Variants in ZNF385D observed in about 807,000 individuals in gnomAD.
The protein encoded by ZNF385D is zinc finger protein 659.
ZNF385D carries 15 observed loss-of-function variants against 35.8 expected under a neutral mutation model. The observed-to-expected ratio is 0.42, with a 90% CI of 0.28 to 0.64. The LOEUF is 0.64. ZNF385D is among the 30% of genes least tolerant of loss of function. The pLI, the probability that ZNF385D is intolerant of heterozygous loss-of-function variation, is 0.23. For missense variants in ZNF385D, 474 were observed against 494.6 expected, an observed-to-expected ratio of 0.96 and a Z score of 0.39; for synonymous variants, 212 against 186.8, an observed-to-expected ratio of 1.13 and a Z score of -1.10.
chr3:21,707,050 A>G (rs371211770), intron 1 of ZNF385D, among the ~76,000 whole-genome samples: 6 of 152,260 alleles, frequency 3.9e-5, no homozygotes, highest in African/African-American at 1.4e-4. Context: ...CTTTAATAAA[A>G]CCCAGATGTG....
chr3:22,320,058 C>CTT (rs79055027), intron 2 of ZNF385D, among the ~76,000 whole-genome samples: 5 of 143,436 alleles, frequency 3.5e-5, no homozygotes, highest in East Asian at 2.0e-4. Context: ...CACATACAAA[C>CTT]TTTTTTTTTT....
At chr3:21,540,559 A>G (rs890391192) in intron 3 of ZNF385D, among the ~76,000 whole-genome samples, 2 of 152,176 alleles carry the variant, frequency 1.3e-5, no homozygotes, top group Admixed American at 6.5e-5. Context: ...TGGGAAATGG[A>G]TAAAACCTGT....
intron 2 of ZNF385D, among the ~76,000 whole-genome samples, chr3:22,326,321 C>A (rs1694676282): frequency 6.6e-6 from 1 of 152,116 alleles, no homozygotes; most frequent in Non-Finnish European, 1.5e-5. Context: ...AATTCCTTCC[C>A]CAAGCCTGAA....
At chr3:22,143,047 C>A (rs1012648374) in intron 3 of ZNF385D, among the ~76,000 whole-genome samples, 5 of 145,908 alleles carry the variant, frequency 3.4e-5, no homozygotes, top group Non-Finnish European at 7.5e-5. Context: ...TTGATATATT[C>A]TATTAAATCG....
At chr3:21,964,854 T>C (rs1170099776) in intron 3 of ZNF385D, among the ~76,000 whole-genome samples, 2 of 152,034 alleles carry the variant, frequency 1.3e-5, no homozygotes, top group Non-Finnish European at 2.9e-5. Context: ...ATAATTTCTA[T>C]TCTTATTATA....
intron 4 of ZNF385D, among the ~76,000 whole-genome samples, chr3:21,444,734 C>A (rs932909258): frequency 6.6e-6 from 1 of 152,092 alleles, no homozygotes; most frequent in African/African-American, 2.4e-5. Flanking sequence ...TAGGGACCGG[C>A]CATTTTCTAC....
In ZNF385D at chr3:21,421,199, A is replaced by G. The variant is rs1700716445; in HGVS notation, c.*15T>C. ...TTTGAAAAATTATTGCAGTACAATT[A>G]CTCCTATTTGGAATTTAGTAAGGAG... On this transcript the variant is annotated 3_prime_UTR_variant, in exon 8 of 8. Coordinates refer to ENST00000281523, the MANE Select transcript of ZNF385D (RefSeq NM_024697.3). 6.2e-7 allele frequency: 1 copy of G among 1,601,524 alleles called. No homozygotes were observed. Among genetic ancestry groups the G allele is most frequent in the Non-Finnish European group, 8.6e-7 (1 of 1,169,120 alleles).
intron 3 of ZNF385D, among the ~76,000 whole-genome samples, chr3:21,799,981 G>A (rs182990883): frequency 2.2e-4 from 33 of 152,228 alleles, no homozygotes; most frequent in Admixed American, 1.9e-3. Flanking sequence ...ATACCCAGTT[G>A]TCTCAGAAAT....
At position 22,214,017 on chromosome 3, in the gene ZNF385D, G is replaced by T. The variant is rs141963951; in HGVS notation, c.107-44982C>A. Among the ~76,000 whole-genome samples the T allele has an allele frequency of 2.2e-3, 329 of 152,090 alleles. 3 individuals are homozygous for T. The highest frequency in any genetic ancestry group is 0.014 in the East Asian group (70 of 5,160). ...TTGCCATAGGTTGGACAGTTCTGTG[G>T]GTCACAGTAACCCTGTCTTAGACAA... On this transcript the variant is annotated intron_variant, in intron 2 of 5. Transcript: ENST00000494108.
At chr3:21,659,890 G>A (rs776346738) in intron 2 of ZNF385D, among the ~76,000 whole-genome samples, 2 of 151,988 alleles carry the variant, frequency 1.3e-5, no homozygotes, top group South Asian at 2.1e-4. Flanking sequence ...CCCCTCCCCA[G>A]AACTTTTGAT....
chr3:22,365,291 GT>G (rs1383655549), intron 2 of ZNF385D, among the ~76,000 whole-genome samples: 1 of 151,844 alleles, frequency 6.6e-6, no homozygotes, highest in Admixed American at 6.6e-5. Flanking sequence ...GTATGAATAA[GT>G]AAACATTGTC....
At chr3:21,542,033 T>C (rs2062189390) in intron 3 of ZNF385D, among the ~76,000 whole-genome samples, 1 of 152,124 alleles carries the variant, frequency 6.6e-6, no homozygotes, top group African/African-American at 2.4e-5. Context: ...AAGCTAAAAT[T>C]TGGGGATGTT....
intron 2 of ZNF385D, among the ~76,000 whole-genome samples, chr3:22,259,489 A>G (rs1244269617): frequency 6.6e-6 from 1 of 151,992 alleles, no homozygotes. Flanking sequence ...CAAGTAGTTT[A>G]GCCTACAAGT....
intron 2 of ZNF385D, among the ~76,000 whole-genome samples, chr3:22,262,389 T>G (rs535776095): frequency 1.1e-4 from 16 of 152,110 alleles, no homozygotes; most frequent in African/African-American, 3.6e-4. Flanking sequence ...TTGGAGGAAG[T>G]TGATGAGATA....
At chr3:21,602,834 C>T (rs2064355641) in intron 2 of ZNF385D, among the ~76,000 whole-genome samples, 1 of 152,058 alleles carries the variant, frequency 6.6e-6, no homozygotes, top group African/African-American at 2.4e-5. Context: ...CGCCCGGCCT[C>T]CCTGCATTTT....
chr3:21,884,534 G>A (rs1330892842), intron 3 of ZNF385D, among the ~76,000 whole-genome samples: 2 of 151,994 alleles, frequency 1.3e-5, no homozygotes, highest in Non-Finnish European at 2.9e-5. Flanking sequence ...TTCAGAAATT[G>A]TATAAGCCAA....
chr3:22,146,622 A>G (rs1360545814), intron 3 of ZNF385D, among the ~76,000 whole-genome samples: 1 of 152,160 alleles, frequency 6.6e-6, no homozygotes, highest in East Asian at 1.9e-4. Context: ...GCCTGCAAAA[A>G]TAATAACTTT....
intron 2 of ZNF385D, 34 bp from the exon 3 acceptor site, chr3:21,564,718 A>G: frequency 7.3e-7 from 1 of 1,368,364 alleles, no homozygotes; most frequent in Non-Finnish European, 1.0e-6. Flanking sequence ...AACAAATAGA[A>G]ATAAAGCTTG....
In ZNF385D at chr3:21,982,562, G is replaced by A. The variant is rs555033618; in HGVS notation, c.325+186255C>T. 1.2e-4 allele frequency among the ~76,000 whole-genome samples: 19 copies of A among 152,198 alleles called. No individual in the cohort carries two copies. The South Asian group carries it at 3.9e-3, about 32-fold the overall frequency. ...AGTTTGACTTCCTCTCTTCCTATTT[G>A]GAAGCCCTTTATTCCTTTCTCTTGC... On this transcript the variant is annotated intron_variant, in intron 3 of 5. Transcript: ENST00000494108.
Sources: allele counts gnomAD v4.1 joint callset (sites outside exome capture counted in the v4.1 genomes callset), GRCh38; gene constraint gnomAD v4.1.1; transcripts MANE v1.5; gene names NCBI Gene and HGNC (gene_info 2026-07-23, HGNC 2026-07-21).